CDH12: variants seen among roughly 807,000 people sequenced by gnomAD.
The protein encoded by CDH12 is cadherin-12.
A neutral mutation model predicts 74.1 loss-of-function variants in CDH12; 41 were observed. That is an observed-to-expected ratio of 0.55 (90% CI 0.43 to 0.72). CDH12 has a LOEUF of 0.72. Ranked by LOEUF, CDH12 falls within the 30% of genes least tolerant of loss-of-function variation. The probability of loss-of-function intolerance (pLI) is 0.00; values close to 1 mark genes in which losing one functional copy is unlikely to be tolerated. For missense variants in CDH12, 945 were observed against 977.2 expected (o/e 0.97, Z 0.44); for synonymous variants, 399 against 355.0 (o/e 1.12, Z -1.39).
At chr5:22,146,111 C>T (rs979113587) in intron 4 of CDH12, among the ~76,000 whole-genome samples, 48 of 152,022 alleles carry the variant, frequency 3.2e-4, no homozygotes, top group Admixed American at 3.9e-4. Context: ...TTTTTAACTC[C>T]GAAATTCTAA....
chr5:22,473,083 T>C (rs1172839605), intron 2 of CDH12, among the ~76,000 whole-genome samples: 1 of 152,130 alleles, frequency 6.6e-6, no homozygotes, highest in Non-Finnish European at 1.5e-5. Flanking sequence ...GCTAATGAGC[T>C]TTGGGCATTC....
chr5:22,704,566 T>C (rs1476838461), intron 1 of CDH12, among the ~76,000 whole-genome samples: 1 of 152,138 alleles, frequency 6.6e-6, no homozygotes, highest in Non-Finnish European at 1.5e-5. Context: ...CAAAGTATTA[T>C]AATGTTTGGC....
At chr5:22,014,484 G>A (rs1737484710) in intron 5 of CDH12, among the ~76,000 whole-genome samples, 2 of 152,140 alleles carry the variant, frequency 1.3e-5, no homozygotes, top group South Asian at 2.1e-4. Context: ...TATCTAGAAT[G>A]TATATTGTGT....
chr5:21,889,194 C>T (rs1385610115), intron 6 of CDH12, among the ~76,000 whole-genome samples: 5 of 148,748 alleles, frequency 3.4e-5, no homozygotes, highest in African/African-American at 1.0e-4. Flanking sequence ...AAAAGTGATG[C>T]CAGCCTCTTT....
At chr5:21,830,109 G>A (rs1248256816) in intron 8 of CDH12, among the ~76,000 whole-genome samples, 1 of 132,792 alleles carries the variant, frequency 7.5e-6, no homozygotes, top group Non-Finnish European at 1.5e-5. Flanking sequence ...TGAGGCAAGA[G>A]AATCACTTAA....
At chr5:22,491,127 T>C (rs918283120) in intron 2 of CDH12, among the ~76,000 whole-genome samples, 1 of 152,168 alleles carries the variant, frequency 6.6e-6, no homozygotes, top group African/African-American at 2.4e-5. Flanking sequence ...TAGTTTTTAA[T>C]GCTTCCTCCC....
chr5:22,138,347 T>G (rs1374644755), intron 4 of CDH12, among the ~76,000 whole-genome samples: 1 of 151,674 alleles, frequency 6.6e-6, no homozygotes, highest in Non-Finnish European at 1.5e-5. Flanking sequence ...ATTATATTTT[T>G]TATAATATAA....
chr5:22,525,228 G>A (rs1344418434), intron 1 of CDH12, among the ~76,000 whole-genome samples: 1 of 152,050 alleles, frequency 6.6e-6, no homozygotes, highest in Non-Finnish European at 1.5e-5. Flanking sequence ...ATTTGGGTTG[G>A]TTCCAAGTCT....
intron 4 of CDH12, among the ~76,000 whole-genome samples, chr5:22,103,815 A>G (rs1454603215): frequency 1.3e-5 from 2 of 152,214 alleles, no homozygotes; most frequent in African/African-American, 4.8e-5. Flanking sequence ...TTTGTAGTGA[A>G]TATTTATCCA....
chr5:22,147,400 C>T (rs188049232), intron 4 of CDH12, among the ~76,000 whole-genome samples: 1 of 152,102 alleles, frequency 6.6e-6, no homozygotes, highest in African/African-American at 2.4e-5. Context: ...GTGGAGTTGA[C>T]AGAAGTCACA....
intron 3 of CDH12, among the ~76,000 whole-genome samples, chr5:22,393,441 TA>T (rs1264573831): frequency 6.6e-6 from 1 of 152,154 alleles, no homozygotes; most frequent in Non-Finnish European, 1.5e-5. Flanking sequence ...TATCTTGTTT[TA>T]ACCACCCATT....
intron 2 of CDH12, among the ~76,000 whole-genome samples, chr5:22,492,350 G>GATT (rs11395240): frequency 1.1e-4 from 16 of 148,488 alleles, no homozygotes; most frequent in Non-Finnish European, 1.5e-4. Flanking sequence ...TACTAAAAAT[G>GATT]TTTTTTTTTT....
intron 1 of CDH12, among the ~76,000 whole-genome samples, chr5:22,837,958 T>G (rs1182780341): frequency 6.6e-6 from 1 of 152,182 alleles, no homozygotes; most frequent in Non-Finnish European, 1.5e-5. Flanking sequence ...CACAGATTCC[T>G]CTACCCGATG....
chr5:22,477,979 T>C (rs1746234818), intron 2 of CDH12, among the ~76,000 whole-genome samples: 2 of 152,176 alleles, frequency 1.3e-5, no homozygotes, highest in South Asian at 4.1e-4. Context: ...TAAGATCAGG[T>C]TACTTTAAAC....
intron 6 of CDH12, among the ~76,000 whole-genome samples, chr5:21,946,905 C>A (rs1429940408): frequency 6.6e-6 from 1 of 152,176 alleles, no homozygotes; most frequent in Non-Finnish European, 1.5e-5. Context: ...TCCTCATGAT[C>A]CTCCCGTGTC....
rs1744012290 is a variant in CDH12 at position 22,723,647 on chromosome 5, T to C, written c.-523+129411A>G. On this transcript the variant is annotated intron_variant, in intron 1 of 14. Coordinates refer to ENST00000382254, the MANE Select transcript of CDH12 (RefSeq NM_004061.5). ...AGAAGTCTAGAACCTTCATAACCTT[T>C]AGTGTTGATTCTAAATTTTGAGACA... Among the ~76,000 whole-genome samples, 3 of 152,084 alleles carry C rather than the reference T, an allele frequency of 2.0e-5. No individual in the cohort carries two copies. In the South Asian group the frequency reaches 6.2e-4, roughly 31 times the overall value.
chr5:22,450,931 C>G (rs1203834702), intron 2 of CDH12, among the ~76,000 whole-genome samples: 3 of 137,688 alleles, frequency 2.2e-5, no homozygotes, highest in African/African-American at 8.1e-5. Context: ...GATTATCTTT[C>G]TCAGACTGGA....
chr5:22,547,853 A>G (rs560503533), intron 1 of CDH12, among the ~76,000 whole-genome samples: 23 of 152,290 alleles, frequency 1.5e-4, no homozygotes, highest in African/African-American at 5.5e-4. Flanking sequence ...TGAATGATGC[A>G]GTAATGGAAA....
chr5:22,476,520 T>C (rs938768633), intron 2 of CDH12, among the ~76,000 whole-genome samples: 1 of 152,134 alleles, frequency 6.6e-6, no homozygotes, highest in Non-Finnish European at 1.5e-5. Context: ...AGGAACACCA[T>C]TAATGAAATT....
Sources: gnomAD v4.1 joint callset for allele counts (sites outside exome capture counted in the v4.1 genomes callset) on GRCh38, gnomAD v4.1.1 for gene constraint, MANE v1.5 for transcripts, NCBI Gene and HGNC (gene_info 2026-07-23, HGNC 2026-07-21) for gene names.